NHLRC2: variants seen among roughly 807,000 people sequenced by gnomAD.
NHLRC2 encodes the protein NHL repeat containing 2.
NHLRC2 carries 33 observed loss-of-function variants against 68.1 expected under a neutral mutation model. The ratio of observed to expected loss-of-function variants is 0.48; its 90% CI spans 0.37 to 0.65. The LOEUF is 0.65. Ranked by LOEUF, NHLRC2 falls within the 30% of genes least tolerant of loss-of-function variation. NHLRC2 has a pLI of 0.00. For synonymous variants in NHLRC2, 311 were observed against 309.6 expected, an observed-to-expected ratio of 1.00 and a Z score of -0.05; for missense variants, 761 against 853.8, an observed-to-expected ratio of 0.89 and a Z score of 1.35.
chr10:113,907,699 C>T (rs1846289531), intron 10 of NHLRC2, among the ~76,000 whole-genome samples: 1 of 152,120 alleles, frequency 6.6e-6, no homozygotes, highest in African/African-American at 2.4e-5. Context: ...TTGGTTTTTA[C>T]ATTACTTAAG....
chr10:113,896,593 C>T (rs1027704130), intron 5 of NHLRC2, among the ~76,000 whole-genome samples: 1 of 151,752 alleles, frequency 6.6e-6, no homozygotes, highest in South Asian at 2.1e-4. Context: ...GTGCAGCGCA[C>T]CAGCATGGCA....
intron 10 of NHLRC2, 23 bp downstream of exon 10, chr10:113,905,059 A>G: frequency 8.6e-7 from 1 of 1,158,180 alleles, no homozygotes; most frequent in South Asian, 1.6e-5. Context: ...GCTTGCAAAT[A>G]CTAATACATC....
chr10:113,879,540 C>G (rs1345808056), intron 3 of NHLRC2, 34 bp from the exon 4 acceptor site: 2 of 1,555,744 alleles, frequency 1.3e-6, no homozygotes, highest in South Asian at 1.2e-5. Flanking sequence ...ACCTTGAGAT[C>G]ACTTCTTAAG....
intron 10 of NHLRC2, among the ~76,000 whole-genome samples, chr10:113,906,243 A>G (rs1327818661): frequency 6.6e-6 from 1 of 152,364 alleles, no homozygotes; most frequent in East Asian, 1.9e-4. Flanking sequence ...TGTCAGACAC[A>G]CTAATTAATA....
At position 113,876,979 on chromosome 10, in the gene NHLRC2, A is replaced by C; in HGVS notation, c.787+3A>C. On this transcript the variant is annotated splice_donor_region_variant and intron_variant, in intron 3 of 10. Coordinates refer to ENST00000369301, the MANE Select transcript of NHLRC2 (RefSeq NM_198514.4). Reference sequence around the variant, plus strand: ...ACAAATTCAATATAGCATTGGAGGTAAAACTTGCTTCTGATTACGATAGAT... The same window carrying C: ...ACAAATTCAATATAGCATTGGAGGTCAAACTTGCTTCTGATTACGATAGAT... 1.3e-6 allele frequency: 2 copies of C among 1,542,474 alleles called. No individual in the cohort carries two copies. The highest frequency in any genetic ancestry group is 1.8e-6 in the Non-Finnish European group (2 of 1,142,570).
chr10:113,865,596 A>AATT (rs1845859895), intron 2 of NHLRC2, among the ~76,000 whole-genome samples: 2 of 137,310 alleles, frequency 1.5e-5, no homozygotes, highest in African/African-American at 5.4e-5. Flanking sequence ...TATAACTTCG[A>AATT]CTTTTTTTTT....
intron 5 of NHLRC2, among the ~76,000 whole-genome samples, chr10:113,887,691 G>A (rs185911299): frequency 1.3e-5 from 2 of 152,138 alleles, no homozygotes; most frequent in Non-Finnish European, 2.9e-5. Flanking sequence ...AGAATCACTT[G>A]AACCCGGGAG....
rs1259677379 is a variant in NHLRC2, at chr10:113,916,978, A to G, written c.*8442A>G. On this transcript the variant is annotated 3_prime_UTR_variant, in exon 11 of 11. Transcript: ENST00000369301. The stretch of plus-strand genomic sequence containing the variant: ...AACATTGTATTTCTACATTTATTTC[A>G]AGACTGTACTTTTCAGTGACTTTTT... The G allele has an allele frequency of 6.6e-6, 1 of 152,148 alleles. No individual in the cohort carries two copies. The highest frequency in any genetic ancestry group is 1.5e-5 in the Non-Finnish European group (1 of 67,998). The allele number at this position is 152,148 out of a possible 1,614,324, so 9.4% of individuals were successfully genotyped here. A position where few individuals can be genotyped will look rare whatever the true frequency, so the allele number is the denominator to read the frequency against.
At chr10:113,885,884 T>C (rs907920131) in intron 5 of NHLRC2, among the ~76,000 whole-genome samples, 4 of 151,970 alleles carry the variant, frequency 2.6e-5, no homozygotes, top group African/African-American at 9.7e-5. Context: ...TGGTTCCTTA[T>C]GGGAAGAGGA....
chr10:113,908,402 A>C lies in NHLRC2; in HGVS notation c.2047A>C (p.Ser683Arg). Residue 683 changes from serine (S) to arginine (R), a missense_variant, in exon 11 of 11, where the codon AGT (serine) becomes CGT (arginine). Physicochemically the swap from Ser to Arg is moderately radical, Grantham distance 110. Coordinates refer to ENST00000369301, the MANE Select transcript of NHLRC2 (RefSeq NM_198514.4). ...CLSLEAIVSV[S>R]VFLYYCSADS... is the part of the protein sequence containing the mutation. ...ATCACTTGAAGCCATTGTATCTGTCAGTGTGTTTCTTTATTACTGTAGTGC... is the reference window on the plus strand; with the variant it reads ...ATCACTTGAAGCCATTGTATCTGTCCGTGTGTTTCTTTATTACTGTAGTGC... The C allele has an allele frequency of 6.2e-7, 1 of 1,614,172 alleles. No homozygotes were observed. The highest frequency in any genetic ancestry group is 8.5e-7 in the Non-Finnish European group (1 of 1,179,984).
chr10:113,910,668 G>A lies in NHLRC2; in HGVS notation c.*2132G>A, dbSNP rs1312519042. The A allele has an allele frequency of 2.6e-5, 4 of 152,214 alleles. No homozygotes were observed. The highest frequency in any genetic ancestry group is 9.6e-5 in the African/African-American group (4 of 41,534). 9.4% of individuals were successfully genotyped at this position (152,214 alleles called of 1,614,324 possible). A position where few individuals can be genotyped will look rare whatever the true frequency, so the allele number is the denominator to read the frequency against. On this transcript the variant is annotated 3_prime_UTR_variant, in exon 11 of 11. Coordinates refer to ENST00000369301, the MANE Select transcript of NHLRC2 (RefSeq NM_198514.4). ...AATTTACTAATTTAGAAATATCTGA[G>A]TTTATTTTTCAATATAATATACAAA... is the stretch of plus-strand genomic sequence containing the variant.
chr10:113,898,013 C>A, intron 5 of NHLRC2, 97 bp from the exon 6 acceptor site: 2 of 584,996 alleles, frequency 3.4e-6, no homozygotes, highest in South Asian at 3.7e-5. Context: ...GATTCACAAA[C>A]ATATTGTTAT....
intron 2 of NHLRC2, among the ~76,000 whole-genome samples, chr10:113,860,200 T>C (rs1564849456): frequency 6.6e-6 from 1 of 152,174 alleles, no homozygotes. Flanking sequence ...ATTTGTGTTT[T>C]AGAATGGCAT....
chr10:113,857,708 A>G (rs1845772942), intron 1 of NHLRC2, among the ~76,000 whole-genome samples: 2 of 152,164 alleles, frequency 1.3e-5, no homozygotes, highest in Non-Finnish European at 1.5e-5. Context: ...TCTTCATAGT[A>G]CAGAGCTTTC....
In NHLRC2 at chr10:113,897,522, C is replaced by CT. The variant is rs1167537538; in HGVS notation, c.1040-587dup. On this transcript the variant is annotated intron_variant, in intron 5 of 10. Transcript: ENST00000369301. ...AGTGATATTGCCTCCAAGCATTACT[C>CT]TAAGTGCATCGTGTGCTTTGAGCCT... Among the ~76,000 whole-genome samples the CT allele has an allele frequency of 3.3e-5, 5 of 152,306 alleles. No individual in the cohort carries two copies. The East Asian group carries it at 5.8e-4, about 18-fold the overall frequency.
chr10:113,885,682 A>G (rs977298840), intron 5 of NHLRC2, among the ~76,000 whole-genome samples: 1 of 152,058 alleles, frequency 6.6e-6, no homozygotes, highest in Non-Finnish European at 1.5e-5. Flanking sequence ...GGACAAATAT[A>G]GCAAGGGATA....
chr10:113,891,253 A>T (rs1846128432), intron 5 of NHLRC2, among the ~76,000 whole-genome samples: 1 of 152,148 alleles, frequency 6.6e-6, no homozygotes, highest in South Asian at 2.1e-4. Context: ...TGTGTTGACC[A>T]CCTTTTTCTC....
At chr10:113,903,003 A>AAAT (rs1263361650) in intron 8 of NHLRC2, among the ~76,000 whole-genome samples, 1 of 152,194 alleles carries the variant, frequency 6.6e-6, no homozygotes, top group Non-Finnish European at 1.5e-5. Flanking sequence ...TTTGTCTATT[A>AAAT]AATTGTCTTA....
chr10:113,854,835 C>A lies in NHLRC2; in HGVS notation c.-38C>A. The stretch of plus-strand genomic sequence containing the variant: ...TTCGTCTCTCCCAGCGAGACTCTCC[C>A]GCGGGCCCGGCGGCCGCATCGGGAG... On this transcript the variant is annotated 5_prime_UTR_variant, in exon 1 of 11. Coordinates refer to ENST00000369301, the MANE Select transcript of NHLRC2 (RefSeq NM_198514.4). 10 of 1,517,520 alleles carry A rather than the reference C, an allele frequency of 6.6e-6. No individual in the cohort carries two copies. Among genetic ancestry groups the A allele is most frequent in the Non-Finnish European group, 8.8e-6 (10 of 1,132,190 alleles). 94.0% of individuals were successfully genotyped at this position (1,517,520 alleles called of 1,614,324 possible).
Sources: allele counts gnomAD v4.1 joint callset (sites outside exome capture counted in the v4.1 genomes callset), GRCh38; gene constraint gnomAD v4.1.1; transcripts MANE v1.5; gene names NCBI Gene and HGNC (gene_info 2026-07-23, HGNC 2026-07-21).